The following KCNQ2 variants were observed in gnomAD, a reference collection of about 807,000 sequenced individuals.
The protein encoded by KCNQ2 is potassium voltage-gated channel subfamily KQT member 2.
In KCNQ2, 14 loss-of-function variants were observed where a neutral mutation model predicts 84.8. The ratio of observed to expected loss-of-function variants is 0.17; its 90% confidence interval spans 0.11 to 0.26. The LOEUF is 0.26. Ranked by LOEUF, KCNQ2 falls within the 10% of genes least tolerant of loss-of-function variation. The pLI is 1.00. For missense variants in KCNQ2, 788 were observed against 1,254.0 expected, an observed-to-expected ratio of 0.63 and a Z score of 5.61; for synonymous variants, 599 against 554.1, an observed-to-expected ratio of 1.08 and a Z score of -1.14.
At chr20:63,461,391 C>T (rs1030232173) in intron 1 of KCNQ2, among the ~76,000 whole-genome samples, 1 of 152,172 alleles carries the variant, frequency 6.6e-6, no homozygotes, top group Non-Finnish European at 1.5e-5. Flanking sequence ...GCAGCCACCC[C>T]CCACCGATCA....
At chr20:63,431,705 C>T (rs983995034) in intron 8 of KCNQ2, among the ~76,000 whole-genome samples, 12 of 152,132 alleles carry the variant, frequency 7.9e-5, no homozygotes, top group Middle Eastern at 3.2e-3. Context: ...GCTCTGGCAT[C>T]CTCCTCCCAA....
chr20:63,461,873 GC>G (rs550891928), intron 1 of KCNQ2, among the ~76,000 whole-genome samples: 89 of 136,310 alleles, frequency 6.5e-4, no homozygotes, highest in Middle Eastern at 5.0e-3. Flanking sequence ...CTACCCCGGG[GC>G]AGCAGGGAGG....
Position 63,401,883 on chromosome 20 carries a change from C to A in KCNQ2, c.*4761G>T, listed in dbSNP as rs116543683. On this transcript the variant is annotated 3_prime_UTR_variant, in exon 17 of 17. Transcript: ENST00000359125. ...AGCCTTGTGAACCGTCCCTCTCACA[C>A]GTCTGCCGGGCACCCTCCACCAGGT... 223 of 179,864 alleles carry A rather than the reference C, an allele frequency of 1.2e-3. 1 individual carries two copies. Among genetic ancestry groups the A allele is most frequent in the African/African-American group, 5.1e-3 (206 of 40,528 alleles). 11.1% of individuals were successfully genotyped at this position (179,864 alleles called of 1,614,324 possible). A position where few individuals can be genotyped will look rare whatever the true frequency, so the allele number is the denominator to read the frequency against.
chr20:63,442,830 T>C (rs201400905), intron 4 of KCNQ2, among the ~76,000 whole-genome samples: 78 of 20,450 alleles, frequency 3.8e-3, no homozygotes, highest in Admixed American at 6.7e-3. Context: ...ACCATCACCA[T>C]CACCACCACC....
At chr20:63,472,076 A>T in intron 1 of KCNQ2, 92 bp downstream of exon 1, 2 of 988,632 alleles carry the variant, frequency 2.0e-6, no homozygotes, top group Non-Finnish European at 2.8e-6. Flanking sequence ...AGGGAGCCAA[A>T]CCCGCCGCAG....
At chr20:63,423,143 G>C (rs1238688005) in intron 11 of KCNQ2, among the ~76,000 whole-genome samples, 1 of 152,178 alleles carries the variant, frequency 6.6e-6, no homozygotes, top group Non-Finnish European at 1.5e-5. Flanking sequence ...AGCCCCTGGT[G>C]GTTTTCTTGG....
At position 63,446,585 on chromosome 20, in the gene KCNQ2, T is replaced by C. The variant is rs1435337740; in HGVS notation, c.387+162A>G. Among the ~76,000 whole-genome samples the C allele has an allele frequency of 6.6e-6, 1 of 151,694 alleles. No homozygotes were observed. The highest frequency in any genetic ancestry group is 1.5e-5 in the Non-Finnish European group (1 of 67,904). On this transcript the variant is annotated intron_variant, in intron 2 of 16. Transcript: ENST00000359125. The surrounding 1 kb of genome is among the most constrained non-coding windows in gnomAD (Gnocchi z 5.5). ...TGGGGCTGGGGCATAGCCCGGGCTG[T>C]GGGGCTGGGGGCAGATGGGAACTGA...
intron 8 of KCNQ2, among the ~76,000 whole-genome samples, chr20:63,433,001 G>A (rs1020636225): frequency 1.3e-5 from 2 of 152,208 alleles, no homozygotes; most frequent in African/African-American, 2.4e-5. Context: ...AGCAGAGGGC[G>A]GGCGGGCAAG....
In KCNQ2 at chr20:63,444,643, T is replaced by C; in HGVS notation, c.690+16A>G. On this transcript the variant is annotated intron_variant, in intron 4 of 16. Coordinates refer to ENST00000359125, the MANE Select transcript of KCNQ2 (RefSeq NM_172107.4). ...GGCTGGGGGCGCCCACCGCCAGCCT[T>C]GGGGCCGTGACTCACCTTGCTGTGG... The C allele has an allele frequency of 1.3e-6, 2 of 1,535,096 alleles. No homozygotes were observed. Among genetic ancestry groups the C allele is most frequent in the Non-Finnish European group, 8.8e-7 (1 of 1,134,922 alleles).
chr20:63,431,208 C>T lies in KCNQ2; in HGVS notation c.1148+132G>A, dbSNP rs560617387. ...GCAGGGCAGGGGGCATAGGGATGCT[C>T]GGTGGGCAGGGACAGTGGTCACTCT... On this transcript the variant is annotated intron_variant, in intron 9 of 16. Coordinates refer to ENST00000359125, the MANE Select transcript of KCNQ2 (RefSeq NM_172107.4). The T allele has an allele frequency of 1.3e-4, 140 of 1,054,920 alleles. 1 individual carries two copies. The South Asian group carries it at 1.3e-3, about 10-fold the overall frequency. 65.3% of individuals were successfully genotyped at this position (1,054,920 alleles called of 1,614,324 possible). A position where few individuals can be genotyped will look rare whatever the true frequency, so the allele number is the denominator to read the frequency against.
At chr20:63,461,340 C>T (rs2081941185) in intron 1 of KCNQ2, among the ~76,000 whole-genome samples, 1 of 152,186 alleles carries the variant, frequency 6.6e-6, no homozygotes, top group African/African-American at 2.4e-5. Context: ...TGGCTCAGTG[C>T]TAATTGTAAA....
Position 63,439,649 on chromosome 20 carries a change from G to C in KCNQ2, c.876C>G (p.Leu292=). 1 of 1,613,784 alleles carries C rather than the reference G, an allele frequency of 6.2e-7. No individual in the cohort carries two copies. The highest frequency in any genetic ancestry group is 8.5e-7 in the Non-Finnish European group (1 of 1,180,028). Reference sequence around the variant, plus strand: ...CGATGAGGGTGAAGGTTGCCGCAAGGAGCCTGCCGTTCCAGGTCTGGGGGT... The same window carrying C: ...CGATGAGGGTGAAGGTTGCCGCAAGCAGCCTGCCGTTCCAGGTCTGGGGGT... The part of the protein sequence containing the change: ...DKYPQTWNGR[L]LAATFTLIGV... Residue 292 remains leucine (L), a synonymous_variant, in exon 6 of 17, where the codon CTC becomes CTG. Coordinates refer to ENST00000359125, the MANE Select transcript of KCNQ2 (RefSeq NM_172107.4).
intron 1 of KCNQ2, among the ~76,000 whole-genome samples, chr20:63,457,188 G>A (rs865853590): frequency 3.9e-5 from 6 of 152,242 alleles, no homozygotes; most frequent in African/African-American, 1.4e-4. Context: ...GAGGGGACAA[G>A]GGCCACGCTC....
At chr20:63,468,409 G>C (rs982951383) in intron 1 of KCNQ2, among the ~76,000 whole-genome samples, 1 of 152,230 alleles carries the variant, frequency 6.6e-6, no homozygotes, top group African/African-American at 2.4e-5. Flanking sequence ...CAAGAAGAGA[G>C]TGTCTGAACC....
chr20:63,463,248 G>A (rs79214490), intron 1 of KCNQ2, among the ~76,000 whole-genome samples: 2 of 152,236 alleles, frequency 1.3e-5, no homozygotes, highest in East Asian at 1.9e-4. Flanking sequence ...GCCACAGAGC[G>A]AGACCCCCAC....
chr20:63,454,150 C>G (rs978551544), intron 1 of KCNQ2, among the ~76,000 whole-genome samples: 56 of 152,274 alleles, frequency 3.7e-4, no homozygotes, highest in African/African-American at 1.3e-3. Context: ...AGCCAGAATT[C>G]AGGGAGATGA....
chr20:63,446,293 C>G lies in KCNQ2; in HGVS notation c.387+454G>C, dbSNP rs1311818799. The G allele has an allele frequency of 7.8e-6, 2 of 256,844 alleles. No homozygotes were observed. Among genetic ancestry groups the G allele is most frequent in the Non-Finnish European group, 1.5e-5 (2 of 130,884 alleles). The allele number at this position is 256,844 out of a possible 1,614,324, so 15.9% of individuals were successfully genotyped here. ...CCAGTCTCCTTGAGGGCCCCCCACC[C>G]CGTTACCAACAGCAACACAGGAACT... On this transcript the variant is annotated intron_variant, in intron 2 of 16. Transcript: ENST00000359125. This position sits in a 1 kb window ranked among gnomAD's most constrained non-coding sequence, Gnocchi z 5.5.
In KCNQ2 at chr20:63,406,597, A is replaced by G; in HGVS notation, c.*47T>C. ...GTTCCCGCCTCAAAACCTCGGAGGC[A>G]CCGTGCTGAGGAGGGCCGCGGGCGG... On this transcript the variant is annotated 3_prime_UTR_variant, in exon 17 of 17. Coordinates refer to ENST00000359125, the MANE Select transcript of KCNQ2 (RefSeq NM_172107.4). 6.5e-7 allele frequency: 1 copy of G among 1,540,220 alleles called. No homozygotes were observed. Among genetic ancestry groups the G allele is most frequent in the Non-Finnish European group, 8.7e-7 (1 of 1,150,204 alleles).
Position 63,438,205 on chromosome 20 carries a change from G to C in KCNQ2, c.1023+420C>G. 6.6e-6 allele frequency: 2 copies of C among 304,148 alleles called. No homozygotes were observed. The highest frequency in any genetic ancestry group is 1.3e-5 in the Non-Finnish European group (2 of 155,482). The allele number at this position is 304,148 out of a possible 1,614,324, so 18.8% of individuals were successfully genotyped here. The stretch of plus-strand genomic sequence containing the variant: ...ACCCCCAAATGGTGGGACGGCACTG[G>C]GTGGGGTCCGGGCGGGCATCATGGG... On this transcript the variant is annotated intron_variant, in intron 7 of 16. Coordinates refer to ENST00000359125, the MANE Select transcript of KCNQ2 (RefSeq NM_172107.4). This position sits in a 1 kb window ranked among gnomAD's most constrained non-coding sequence, Gnocchi z 5.1.
Sources: gnomAD v4.1 joint callset for allele counts (sites outside exome capture counted in the v4.1 genomes callset) on GRCh38, gnomAD v4.1.1 for gene constraint, Gnocchi (gnomAD v3.1) non-coding constraint, MANE v1.5 for transcripts, NCBI Gene and HGNC (gene_info 2026-07-23, HGNC 2026-07-21) for gene names.